EWSR1: variants seen among roughly 807,000 people sequenced by gnomAD.
EWSR1 encodes RNA-binding protein EWS.
In EWSR1, 14 loss-of-function variants were observed where a neutral mutation model predicts 92.1. The ratio of observed to expected loss-of-function variants is 0.15; its 90% CI spans 0.10 to 0.24. EWSR1 has a LOEUF of 0.24. Among genes scored for constraint, EWSR1 ranks in the 10% least tolerant of loss-of-function variants. The pLI is 1.00. For synonymous variants in EWSR1, 303 were observed against 292.9 expected (o/e 1.03, Z -0.35); for missense variants, 637 against 870.9 (o/e 0.73, Z 3.38).
chr22:29,271,507 G>A (rs1331571467), intron 1 of EWSR1, among the ~76,000 whole-genome samples: 7 of 152,138 alleles, frequency 4.6e-5, no homozygotes, highest in African/African-American at 1.4e-4. Context: ...AAAGACAATG[G>A]TGTTACCAAA....
Position 29,298,922 on chromosome 22 carries a change from A to G in EWSR1, c.1580+27A>G, listed in dbSNP as rs747720647. The G allele has an allele frequency of 3.1e-5, 47 of 1,521,254 alleles. No individual in the cohort carries two copies. The South Asian group carries it at 5.7e-4, about 18-fold the overall frequency. 94.2% of individuals were successfully genotyped at this position (1,521,254 alleles called of 1,614,324 possible). ...TATGTACTTGTCTTGGCAAATTGAT[A>G]CCCTACGAGTGAAGCCACCCTTCCC... On this transcript the variant is annotated intron_variant, in intron 14 of 16. Transcript: ENST00000397938.
At chr22:29,272,561 A>C (rs969825379) in intron 3 of EWSR1, 130 bp downstream of exon 3, 2 of 941,536 alleles carry the variant, frequency 2.1e-6, no homozygotes, top group Non-Finnish European at 3.2e-6. Flanking sequence ...AGGCATTTTA[A>C]ACTTTCACAG....
At chr22:29,284,615 G>C (rs561557347) in intron 6 of EWSR1, among the ~76,000 whole-genome samples, 1 of 151,256 alleles carries the variant, frequency 6.6e-6, no homozygotes, top group East Asian at 1.9e-4. Context: ...GATGTGGTGT[G>C]TTAGAAGCTT....
chr22:29,281,261 T>C (rs540530056), intron 5 of EWSR1, among the ~76,000 whole-genome samples: 12 of 152,060 alleles, frequency 7.9e-5, no homozygotes, highest in Middle Eastern at 3.2e-3. Flanking sequence ...GCAATCCACC[T>C]GCCTTGGCCT....
chr22:29,299,888 C>A, intron 16 of EWSR1, 37 bp downstream of exon 16: 1 of 1,531,464 alleles, frequency 6.5e-7, no homozygotes, highest in Non-Finnish European at 8.8e-7. Flanking sequence ...GGCCGCCAGG[C>A]ACAGTAAGAG....
At chr22:29,287,277 C>T (rs1265116846) in intron 7 of EWSR1, 143 bp downstream of exon 7, 17 of 767,594 alleles carry the variant, frequency 2.2e-5, no homozygotes, top group Non-Finnish European at 3.6e-5. Context: ...GGTGCCATCT[C>T]AGCTCACTGC....
intron 4 of EWSR1, chr22:29,275,852 A>G (rs545203695): frequency 4.3e-6 from 1 of 231,800 alleles, no homozygotes; most frequent in Non-Finnish European, 8.5e-6. Context: ...AATATTTCTT[A>G]CCACCTTTTT....
chr22:29,282,717 G>A (rs1422750901), intron 6 of EWSR1, among the ~76,000 whole-genome samples, 160 bp downstream of exon 6: 2 of 151,954 alleles, frequency 1.3e-5, no homozygotes, highest in Non-Finnish European at 2.9e-5. Context: ...CTGAGATCTA[G>A]GGTCCCATAG....
intron 5 of EWSR1, among the ~76,000 whole-genome samples, chr22:29,279,851 TTTGATA>T (rs1309248914): frequency 2.6e-5 from 4 of 152,238 alleles, no homozygotes; most frequent in Non-Finnish European, 5.9e-5. Flanking sequence ...TGAAGTCCCA[TTTGATA>T]CTCTGATGCA....
chr22:29,287,425 C>G (rs1176918086), intron 7 of EWSR1, among the ~76,000 whole-genome samples: 1 of 152,180 alleles, frequency 6.6e-6, no homozygotes, highest in Non-Finnish European at 1.5e-5. Flanking sequence ...TCAGGCTGGT[C>G]TCGAACTCCT....
intron 4 of EWSR1, 48 bp downstream of exon 4, chr22:29,273,912 T>A (rs143395389): frequency 1.2e-6 from 2 of 1,608,308 alleles, no homozygotes; most frequent in Non-Finnish European, 8.5e-7. Flanking sequence ...GCTAGGGCAT[T>A]GGCTAAGAAG....
At chr22:29,285,490 CATA>C (rs1307456158) in intron 6 of EWSR1, among the ~76,000 whole-genome samples, 1 of 151,448 alleles carries the variant, frequency 6.6e-6, no homozygotes, top group African/African-American at 2.5e-5. Context: ...ATGTAATTGA[CATA>C]ATCTTAATAT....
chr22:29,287,858 G>A (rs1306321317), intron 7 of EWSR1, among the ~76,000 whole-genome samples: 1 of 151,932 alleles, frequency 6.6e-6, no homozygotes, highest in South Asian at 2.1e-4. Flanking sequence ...ATGTTTTTTT[G>A]TTGCTGTTTG....
At chr22:29,272,719 A>C (rs2058777202) in intron 3 of EWSR1, among the ~76,000 whole-genome samples, 1 of 152,170 alleles carries the variant, frequency 6.6e-6, no homozygotes, top group Non-Finnish European at 1.5e-5. Flanking sequence ...AATTTAGTGA[A>C]TTTATTCATC....
At position 29,273,896 on chromosome 22, in the gene EWSR1, G is replaced by A. The variant is rs139936762; in HGVS notation, c.226+32G>A. The A allele has an allele frequency of 2.3e-4, 372 of 1,612,312 alleles. 1 individual carries two copies. The highest frequency in any genetic ancestry group is 3.6e-4 in the East Asian group (16 of 44,856). On this transcript the variant is annotated intron_variant, in intron 4 of 16. Transcript: ENST00000397938. ...CCTGCCTTGGAGAGATTTTTGGGTC[G>A]TTCTGGCTAGGGCATTGGCTAAGAA...
Position 29,291,553 on chromosome 22 carries a change from TC to T in EWSR1, c.975-3del. 1 of 1,612,638 alleles carries T rather than the reference TC, an allele frequency of 6.2e-7. No individual in the cohort carries two copies. ...GGAAAGGCCTTCATTTCTTCGTTTA[TC>T]CCCCCAGCAGCGCTGGAGAGCGAGG... On this transcript the variant is annotated splice_polypyrimidine_tract_variant and splice_region_variant and intron_variant, in intron 8 of 16. Coordinates refer to ENST00000397938, the MANE Select transcript of EWSR1 (RefSeq NM_005243.4).
intron 5 of EWSR1, among the ~76,000 whole-genome samples, chr22:29,279,265 A>G (rs2059376584): frequency 6.6e-6 from 1 of 152,212 alleles, no homozygotes; most frequent in African/African-American, 2.4e-5. Flanking sequence ...TGGCAAAAAC[A>G]TGGTAGTTCA....
chr22:29,276,302 CA>C (rs1334389093), intron 4 of EWSR1: 1 of 229,580 alleles, frequency 4.4e-6, no homozygotes, highest in Non-Finnish European at 8.6e-6. Flanking sequence ...TTCAGATGAA[CA>C]ACATGCCAAC....
rs1297655568 is a variant in EWSR1 at position 29,290,169 on chromosome 22, GC to G, written c.974+1384del. On this transcript the variant is annotated intron_variant, in intron 8 of 16. Coordinates refer to ENST00000397938, the MANE Select transcript of EWSR1 (RefSeq NM_005243.4). Reference sequence around the variant, plus strand: ...TCTTGCAGCCATAGAAGAGACCATGGCTTTCCCCATAGGTTTTTCAACAGAC... The same window carrying G: ...TCTTGCAGCCATAGAAGAGACCATGGTTTCCCCATAGGTTTTTCAACAGAC... The G allele has an allele frequency of 7.8e-6, 3 of 384,646 alleles. No individual in the cohort carries two copies. The East Asian group carries it at 1.2e-4, about 15-fold the overall frequency. The allele number at this position is 384,646 out of a possible 1,614,324, so 23.8% of individuals were successfully genotyped here. A position where few individuals can be genotyped will look rare whatever the true frequency, so the allele number is the denominator to read the frequency against.
Sources: gnomAD v4.1 joint callset for allele counts (sites outside exome capture counted in the v4.1 genomes callset) on GRCh38, gnomAD v4.1.1 for gene constraint, MANE v1.5 for transcripts, NCBI Gene and HGNC (gene_info 2026-07-23, HGNC 2026-07-21) for gene names.